Variants in ANKK1 observed in about 807,000 individuals in gnomAD.
ANKK1 encodes ankyrin repeat and protein kinase domain-containing protein 1.
Under a neutral mutation model 37.6 loss-of-function variants are expected in ANKK1, and 37 were observed. The observed-to-expected ratio is 0.98, with a 90% CI of 0.76 to 1.29. The LOEUF (loss-of-function observed/expected upper bound fraction) is 1.29. ANKK1 is among the 50% of genes most tolerant of loss of function. The pLI is 0.00. For synonymous variants in ANKK1, 415 were observed against 418.7 expected, an observed-to-expected ratio of 0.99 and a Z score of 0.11; for missense variants, 1,019 against 990.6, an observed-to-expected ratio of 1.03 and a Z score of -0.39.
chr11:113,399,490 T>G lies in ANKK1; in HGVS notation c.1521T>G (p.Val507=), dbSNP rs1368319427. Residue 507 remains valine (V), a synonymous_variant, in exon 8 of 8, where the codon GTT becomes GTG. Coordinates refer to ENST00000303941, the MANE Select transcript of ANKK1 (RefSeq NM_178510.2). ...PLHVAAYFGH[V]SLVKLLTSQG... ...ATGTGGCCGCCTACTTTGGCCATGT[T>G]AGCCTGGTCAAGCTGCTGACCAGCC... 1.3e-6 allele frequency: 2 copies of G among 1,592,236 alleles called. No individual in the cohort carries two copies. Among genetic ancestry groups the G allele is most frequent in the African/African-American group, 2.7e-5 (2 of 74,478 alleles).
In ANKK1 at chr11:113,400,080, A is replaced by G. The variant is rs770983683; in HGVS notation, c.2111A>G (p.Asn704Ser). 39 of 1,613,524 alleles carry G rather than the reference A, an allele frequency of 2.4e-5. No individual in the cohort carries two copies. The highest frequency in any genetic ancestry group is 3.2e-5 in the Non-Finnish European group (38 of 1,179,834). The change falls in exon 8 of 8, where the codon AAC becomes AGC. Residue 704 changes from asparagine (N) to serine (S), a missense_variant. Physicochemically the swap from Asn to Ser is conservative, Grantham distance 46. Coordinates refer to ENST00000303941, the MANE Select transcript of ANKK1 (RefSeq NM_178510.2). ...TPAHLAALKGNTAILKVLVEA... is the reference protein window; with the variant it reads ...TPAHLAALKGSTAILKVLVEA... ...GCCCACCTGGCCGCCCTCAAGGGCAACACAGCCATCCTCAAAGTGCTGGTC... is the reference window on the plus strand; with the variant it reads ...GCCCACCTGGCCGCCCTCAAGGGCAGCACAGCCATCCTCAAAGTGCTGGTC...
intron 5 of ANKK1, 70 bp downstream of exon 5, chr11:113,396,292 C>T: frequency 6.4e-7 from 1 of 1,567,632 alleles, no homozygotes; most frequent in Non-Finnish European, 8.7e-7. Context: ...TGACTGGGCA[C>T]TCCTGGGAGC....
intron 6 of ANKK1, 136 bp downstream of exon 6, chr11:113,397,478 A>G: frequency 1.5e-6 from 1 of 678,630 alleles, no homozygotes; most frequent in South Asian, 1.9e-5. Flanking sequence ...GAGGGGACAC[A>G]TTTCCCTAAT....
Position 113,393,848 on chromosome 11 carries a change from G to A in ANKK1, c.480+73G>A. On this transcript the variant is annotated intron_variant, in intron 2 of 7. Coordinates refer to ENST00000303941, the MANE Select transcript of ANKK1 (RefSeq NM_178510.2). ...TCCAGGTGAGCAGAATTATCCACCT[G>A]CCTGACCGGCCTGTCAAGGGTTTTA... 3.4e-6 allele frequency: 5 copies of A among 1,468,978 alleles called. No homozygotes were observed. The South Asian group carries it at 6.8e-5, about 20-fold the overall frequency. 91.0% of individuals were successfully genotyped at this position (1,468,978 alleles called of 1,614,324 possible).
rs777904607 is a variant in ANKK1, at chr11:113,398,050, C to T, written c.994+34C>T. ...GGGTGCCACGGGCGGGACCAGAGAA[C>T]TCACAGCAGAGAAAATGGAGTCAAA... On this transcript the variant is annotated intron_variant, in intron 7 of 7. Coordinates refer to ENST00000303941, the MANE Select transcript of ANKK1 (RefSeq NM_178510.2). 3.5e-5 allele frequency: 54 copies of T among 1,560,118 alleles called. No individual in the cohort carries two copies. The South Asian group carries it at 5.0e-4, about 14-fold the overall frequency.
rs375367141 is a variant in ANKK1 at position 113,394,972 on chromosome 11, G to T, written c.524G>T (p.Arg175Leu). ...GLSKWMEQST[R>L]MQYIERSALR... The stretch of plus-strand genomic sequence containing the variant: ...TCCAAGTGGATGGAACAGTCCACCC[G>T]GATGCAGTACATCGAGAGGTCGGCT... Residue 175 changes from arginine to leucine, a missense_variant, in exon 3 of 8, where the codon CGG becomes CTG. Transcript: ENST00000303941. 10 of 1,613,452 alleles carry T rather than the reference G, an allele frequency of 6.2e-6. No homozygotes were observed. The highest frequency in any genetic ancestry group is 8.5e-6 in the Non-Finnish European group (10 of 1,179,690).
Position 113,388,049 on chromosome 11 carries a change from C to T in ANKK1, c.165C>T (p.Cys55=). 1 of 1,521,140 alleles carries T rather than the reference C, an allele frequency of 6.6e-7. No individual in the cohort carries two copies. Among genetic ancestry groups the T allele is most frequent in the Non-Finnish European group, 8.8e-7 (1 of 1,132,096 alleles). 94.2% of individuals were successfully genotyped at this position (1,521,140 alleles called of 1,614,324 possible). ...RTEYAIKCAP[C]LPPDAASSDV... is the part of the protein sequence containing the mutation. ...AGTACGCCATCAAGTGCGCCCCCTG[C>T]CTTCCACCCGACGCCGCCAGGTACT... is the stretch of plus-strand genomic sequence containing the variant. The change falls in exon 1 of 8, where the codon TGC becomes TGT. Residue 55 remains cysteine, a synonymous_variant. Transcript: ENST00000303941.
intron 1 of ANKK1, 83 bp from the exon 2 acceptor site, chr11:113,393,398 T>G (rs1015718534): frequency 1.4e-6 from 2 of 1,440,022 alleles, no homozygotes; most frequent in Non-Finnish European, 1.9e-6. Flanking sequence ...CAGTCTGGCA[T>G]CATGGCTAGT....
At chr11:113,389,426 A>G (rs1014376804) in intron 1 of ANKK1, among the ~76,000 whole-genome samples, 3 of 152,122 alleles carry the variant, frequency 2.0e-5, no homozygotes, top group African/African-American at 7.2e-5. Context: ...CTGCTCTTCT[A>G]CTATGTGTCA....
chr11:113,390,500 A>T (rs571088308), intron 1 of ANKK1, among the ~76,000 whole-genome samples: 5 of 152,228 alleles, frequency 3.3e-5, no homozygotes, highest in African/African-American at 1.2e-4. Flanking sequence ...GCACTTTGAG[A>T]GGCCAAGGCT....
chr11:113,391,827 A>T (rs1235618293), intron 1 of ANKK1, among the ~76,000 whole-genome samples: 42 of 152,292 alleles, frequency 2.8e-4, no homozygotes, highest in Non-Finnish European at 5.9e-5. Context: ...GTGGTCAAGT[A>T]ACAGGATATG....
In ANKK1 at chr11:113,388,018, G is replaced by A; in HGVS notation, c.134G>A (p.Arg45Gln). 6.4e-7 allele frequency: 1 copy of A among 1,563,896 alleles called. No individual in the cohort carries two copies. Among genetic ancestry groups the A allele is most frequent in the East Asian group, 2.4e-5 (1 of 42,334 alleles). ...QVFQARHRRW[R>Q]TEYAIKCAPC... ...TTCCAGGCGCGGCACAGGCGCTGGC[G>A]GACGGAGTACGCCATCAAGTGCGCC... is the stretch of plus-strand genomic sequence containing the variant. Residue 45 changes from arginine to glutamine, a missense_variant, in exon 1 of 8, where the codon CGG (arginine) becomes CAG (glutamine). Arg to Gln is a conservative substitution (Grantham distance 43, BLOSUM62 1). Coordinates refer to ENST00000303941, the MANE Select transcript of ANKK1 (RefSeq NM_178510.2).
At position 113,393,739 on chromosome 11, in the gene ANKK1, G is replaced by A. The variant is rs753060269; in HGVS notation, c.444G>A (p.Pro148=). The A allele has an allele frequency of 3.3e-5, 53 of 1,612,004 alleles. No homozygotes were observed. Among genetic ancestry groups the A allele is most frequent in the Middle Eastern group, 1.6e-4 (1 of 6,082 alleles). Residue 148 remains proline, a synonymous_variant, in exon 2 of 8, where the codon CCG becomes CCA. Transcript: ENST00000303941. ...CTCTGCTCCACCTGGACCTCAAGCC[G>A]GGCAACATACTCCTGGACAGCAACA... ...KPPLLHLDLK[P]GNILLDSNMH...
In ANKK1 at chr11:113,395,234, G is replaced by C. The variant is rs374171189; in HGVS notation, c.633-125G>C. 1.2e-4 allele frequency: 183 copies of C among 1,497,394 alleles called. 3 individuals carry two copies. The South Asian group carries it at 2.0e-3, about 17-fold the overall frequency. The allele number at this position is 1,497,394 out of a possible 1,614,324, so 92.8% of individuals were successfully genotyped here. A position where few individuals can be genotyped will look rare whatever the true frequency, so the allele number is the denominator to read the frequency against. On this transcript the variant is annotated intron_variant, in intron 3 of 7. Coordinates refer to ENST00000303941, the MANE Select transcript of ANKK1 (RefSeq NM_178510.2). ...GGCTGGAGAGGCAGAGGGCTGGGGA[G>C]TACTTTGGCCGGTGAGGCTTGCCTG... is the stretch of plus-strand genomic sequence containing the variant.
intron 1 of ANKK1, among the ~76,000 whole-genome samples, chr11:113,389,849 AAC>A (rs1197678183): frequency 3.3e-5 from 5 of 152,250 alleles, no homozygotes; most frequent in Non-Finnish European, 7.3e-5. Flanking sequence ...GAGCATTTAC[AAC>A]CAGGTAGCGG....
intron 7 of ANKK1, among the ~76,000 whole-genome samples, chr11:113,398,314 TAAAAAAAA>T (rs10585601): frequency 7.8e-6 from 1 of 128,186 alleles, no homozygotes; most frequent in African/African-American, 3.1e-5. Flanking sequence ...CTCGGGAAAT[TAAAAAAAA>T]AAAAAAAAAA....
At position 113,399,481 on chromosome 11, in the gene ANKK1, T is replaced by G. The variant is rs1461299818; in HGVS notation, c.1512T>G (p.Phe504Leu). 6.3e-7 allele frequency: 1 copy of G among 1,592,398 alleles called. No individual in the cohort carries two copies. The highest frequency in any genetic ancestry group is 1.1e-5 in the South Asian group (1 of 87,460). The change falls in exon 8 of 8, where the codon TTT (phenylalanine) becomes TTG (leucine). Residue 504 changes from phenylalanine to leucine, a missense_variant. Transcript: ENST00000303941. ...CCCCCCTCCATGTGGCCGCCTACTT[T>G]GGCCATGTTAGCCTGGTCAAGCTGC... The part of the protein sequence containing the change: ...GKTPLHVAAY[F>L]GHVSLVKLLT...
chr11:113,389,814 A>G (rs1950574089), intron 1 of ANKK1, among the ~76,000 whole-genome samples: 1 of 152,222 alleles, frequency 6.6e-6, no homozygotes, highest in South Asian at 2.1e-4. Context: ...GAGTTGGGAG[A>G]GTAAAAGAGC....
rs762904450 is a variant in ANKK1, at chr11:113,394,732, A to G, written c.481-197A>G. The G allele has an allele frequency of 2.2e-4, 160 of 743,730 alleles. 1 individual carries two copies. The highest frequency in any genetic ancestry group is 9.0e-4 in the Middle Eastern group (4 of 4,462). 46.1% of individuals were successfully genotyped at this position (743,730 alleles called of 1,614,324 possible). The stretch of plus-strand genomic sequence containing the variant: ...CATATTACTTCTACTTTACAGGTGA[A>G]GAAACTGAGGCTCTGAGAAGATAAG... On this transcript the variant is annotated intron_variant, in intron 2 of 7. Coordinates refer to ENST00000303941, the MANE Select transcript of ANKK1 (RefSeq NM_178510.2).
Sources: gnomAD v4.1 joint callset for allele counts (sites outside exome capture counted in the v4.1 genomes callset) on GRCh38, gnomAD v4.1.1 for gene constraint, MANE v1.5 for transcripts, NCBI Gene and HGNC (gene_info 2026-07-23, HGNC 2026-07-21) for gene names.